The following PEMT variants were observed in gnomAD, a reference collection of about 807,000 sequenced individuals.
PEMT encodes the protein phosphatidylethanolamine N-methyltransferase.
PEMT carries 23 observed loss-of-function variants against 27.4 expected under a neutral mutation model. The observed-to-expected ratio is 0.84, with a 90% CI of 0.60 to 1.19. PEMT has a LOEUF of 1.19. Ranked by LOEUF, PEMT falls within the 50% of genes most tolerant of loss-of-function variation. The pLI, the probability that PEMT is intolerant of heterozygous loss-of-function variation, is 0.00. For missense variants in PEMT, 307 were observed against 310.1 expected (o/e 0.99, Z 0.07); for synonymous variants, 137 against 139.1 (o/e 0.98, Z 0.11).
chr17:17,546,069 C>T (rs1226191600), intron 2 of PEMT, among the ~76,000 whole-genome samples: 1 of 152,230 alleles, frequency 6.6e-6, no homozygotes, highest in African/African-American at 2.4e-5. Context: ...CTCTTCTGTA[C>T]CCATCTTATG....
At position 17,570,510 on chromosome 17, in the gene PEMT, C is replaced by A. The variant is rs568904781; in HGVS notation, c.204+6410G>T. 47 of 985,310 alleles carry A rather than the reference C, an allele frequency of 4.8e-5. No homozygotes were observed. In the South Asian group the frequency reaches 7.5e-4, roughly 16 times the overall value. The allele number at this position is 985,310 out of a possible 1,614,324, so 61.0% of individuals were successfully genotyped here. ...AGGGATGGCCCCAAAAGTCAGCAAC[C>A]CTGAGTCAGAGAGGGCAGGGTGAGG... On this transcript the variant is annotated intron_variant, in intron 2 of 6. Transcript: ENST00000255389.
At chr17:17,591,435 C>T (rs1041438425) in intron 1 of PEMT, 96 bp downstream of exon 1, 2 of 1,078,430 alleles carry the variant, frequency 1.9e-6, no homozygotes, top group Non-Finnish European at 2.6e-6. Flanking sequence ...ACTGGCGGCC[C>T]CGCCCCGCAG....
chr17:17,522,559 A>T (rs1308204341), intron 2 of PEMT, among the ~76,000 whole-genome samples, 164 bp from the exon 3 acceptor site: 1 of 152,216 alleles, frequency 6.6e-6, no homozygotes, highest in African/African-American at 2.4e-5. Context: ...GCTGCACATT[A>T]TCTGCCCTAG....
chr17:17,590,309 G>A (rs958212390), intron 1 of PEMT, among the ~76,000 whole-genome samples: 1 of 152,236 alleles, frequency 6.6e-6, no homozygotes, highest in Non-Finnish European at 1.5e-5. Flanking sequence ...CTCAGGGCCA[G>A]CGGCCCATCT....
At chr17:17,570,482 G>T (rs968378023) in intron 2 of PEMT, 14 of 982,838 alleles carry the variant, frequency 1.4e-5, no homozygotes, top group Non-Finnish European at 1.7e-5. Flanking sequence ...CACCTGTAGT[G>T]CCAGGGATGG....
At chr17:17,577,478 G>A (rs1400450318) in intron 1 of PEMT, 34 of 1,028,888 alleles carry the variant, frequency 3.3e-5, no homozygotes, top group Non-Finnish European at 4.0e-5. Flanking sequence ...CACTCGACAG[G>A]GGACAATCTT....
At chr17:17,518,143 T>C (rs1567672840) in intron 3 of PEMT, 2 of 985,414 alleles carry the variant, frequency 2.0e-6, no homozygotes, top group East Asian at 2.3e-4. Flanking sequence ...TGGAGCACAG[T>C]TCCATCCCGT....
intron 2 of PEMT, among the ~76,000 whole-genome samples, chr17:17,528,674 C>T (rs1411027487): frequency 6.6e-6 from 1 of 152,216 alleles, no homozygotes; most frequent in African/African-American, 2.4e-5. Flanking sequence ...TCCCTCATCC[C>T]ACCCTGGCCC....
intron 2 of PEMT, among the ~76,000 whole-genome samples, chr17:17,547,346 C>T (rs1036323640): frequency 1.3e-5 from 2 of 152,224 alleles, no homozygotes; most frequent in African/African-American, 2.4e-5. Flanking sequence ...GGCAAGCAGG[C>T]GAGGCGTTCA....
intron 1 of PEMT, among the ~76,000 whole-genome samples, chr17:17,580,774 G>A (rs781553955): frequency 2.0e-4 from 31 of 151,544 alleles, no homozygotes; most frequent in Non-Finnish European, 4.3e-4. Context: ...CAATCCTCCC[G>A]TGGCCCATCT....
At chr17:17,592,061 C>T (rs1912618410), upstream of PEMT, 2 of 984,848 alleles carry the variant, frequency 2.0e-6, no homozygotes, top group Non-Finnish European at 2.4e-6. Context: ...CTCCTGCGGA[C>T]TTGGACTTGG....
intron 2 of PEMT, among the ~76,000 whole-genome samples, chr17:17,564,108 C>T (rs2142704330): frequency 6.6e-6 from 1 of 152,292 alleles, no homozygotes; most frequent in Middle Eastern, 3.4e-3. Flanking sequence ...AGGGCGGAGG[C>T]ATGGGTGGGT....
Position 17,532,994 on chromosome 17 carries a change from T to C in PEMT, c.205-10599A>G, listed in dbSNP as rs202137176. Reference sequence around the variant, plus strand: ...GTGAGCCGAGATCGTGCTATCGCACTCCAGCCTGGGTGACAGAGTGAGGCT... The same window carrying C: ...GTGAGCCGAGATCGTGCTATCGCACCCCAGCCTGGGTGACAGAGTGAGGCT... On this transcript the variant is annotated intron_variant, in intron 2 of 6. Coordinates refer to ENST00000255389, the MANE Select transcript of PEMT (RefSeq NM_148172.3). Among the ~76,000 whole-genome samples, 67 of 152,340 alleles carry C rather than the reference T, an allele frequency of 4.4e-4. No homozygotes were observed. The East Asian group carries it at 0.011, about 25-fold the overall frequency.
intron 2 of PEMT, among the ~76,000 whole-genome samples, chr17:17,573,396 G>A (rs1347517307): frequency 6.6e-6 from 1 of 151,194 alleles, no homozygotes; most frequent in Non-Finnish European, 1.5e-5. Context: ...GAACCTGAGA[G>A]GCAGAGGTTG....
intron 2 of PEMT, among the ~76,000 whole-genome samples, chr17:17,575,511 G>C (rs1204255134): frequency 6.6e-6 from 1 of 152,258 alleles, no homozygotes; most frequent in African/African-American, 2.4e-5. Flanking sequence ...TGAAAGGAGA[G>C]AGGAAGCATG....
At chr17:17,528,218 G>A (rs572217686) in intron 2 of PEMT, among the ~76,000 whole-genome samples, 8 of 152,260 alleles carry the variant, frequency 5.3e-5, no homozygotes, top group Admixed American at 4.6e-4. Context: ...TTTGCCTCCC[G>A]AACCGCCCCC....
At chr17:17,568,092 C>G in intron 2 of PEMT, among the ~76,000 whole-genome samples, 1 of 152,166 alleles carries the variant, frequency 6.6e-6, no homozygotes, top group East Asian at 1.9e-4. Context: ...CATCCTTGAG[C>G]AGACAGTCCA....
chr17:17,578,341 C>A (rs1911758164), intron 1 of PEMT, among the ~76,000 whole-genome samples: 1 of 151,626 alleles, frequency 6.6e-6, no homozygotes. Flanking sequence ...CATAGTGAGA[C>A]CCTGTCTCTA....
At chr17:17,577,109 T>C (rs966003935) in intron 1 of PEMT, 82 bp from the exon 2 acceptor site, 6 of 1,024,234 alleles carry the variant, frequency 5.9e-6, no homozygotes, top group Non-Finnish European at 9.1e-6. Context: ...AAAGTTACCC[T>C]CTGGGAACAC....
Sources: gnomAD v4.1 joint callset for allele counts (sites outside exome capture counted in the v4.1 genomes callset) on GRCh38, gnomAD v4.1.1 for gene constraint, MANE v1.5 for transcripts, NCBI Gene and HGNC (gene_info 2026-07-23, HGNC 2026-07-21) for gene names.